WEE2: variants seen among roughly 807,000 people sequenced by gnomAD.
WEE2 encodes wee1-like protein kinase 2.
WEE2 carries 50 observed loss-of-function variants against 60.1 expected under a neutral mutation model. That is an observed-to-expected ratio of 0.83 (90% CI 0.66 to 1.05). The LOEUF is 1.05. Ranked by LOEUF, WEE2 falls within the 50% of genes least tolerant of loss-of-function variation. The pLI is 0.00. For synonymous variants in WEE2, 240 were observed against 241.0 expected (o/e 1.00, Z 0.04); for missense variants, 631 against 684.3 (o/e 0.92, Z 0.87).
rs1798758848 is a variant in WEE2 at position 141,714,297 on chromosome 7, A to G, written c.431A>G (p.Lys144Arg). 2 of 1,613,818 alleles carry G rather than the reference A, an allele frequency of 1.2e-6. No homozygotes were observed. Among genetic ancestry groups the G allele is most frequent in the South Asian group, 2.2e-5 (2 of 91,072 alleles). The change falls in exon 2 of 12, where the codon AAG (lysine) becomes AGG (arginine). Residue 144 changes from lysine (K) to arginine (R), a missense_variant. Coordinates refer to ENST00000397541, the MANE Select transcript of WEE2 (RefSeq NM_001105558.1). ...KHLKLTPAPL[K>R]DEMTSLALVN... ...TTGAAGCTCACACCTGCTCCCCTCAAGGATGAGATGACCTCATTGGCTCTG... is the reference window on the plus strand; with the variant it reads ...TTGAAGCTCACACCTGCTCCCCTCAGGGATGAGATGACCTCATTGGCTCTG...
chr7:141,716,644 C>T (rs1211590083), intron 3 of WEE2, among the ~76,000 whole-genome samples: 2 of 152,034 alleles, frequency 1.3e-5, no homozygotes, highest in Non-Finnish European at 2.9e-5. Flanking sequence ...CTCTGCCAGG[C>T]AGTGTCTGAT....
rs1798654456 is a variant in WEE2, at chr7:141,708,455, C to A, written c.-304C>A. The A allele has an allele frequency of 2.8e-6, 1 of 355,898 alleles. No homozygotes were observed. Among genetic ancestry groups the A allele is most frequent in the Non-Finnish European group, 5.1e-6 (1 of 197,066 alleles). 22.0% of individuals were successfully genotyped at this position (355,898 alleles called of 1,614,324 possible). The stretch of plus-strand genomic sequence containing the variant: ...ATTTTCTCACTAGTATTTGGTAACA[C>A]ATGGGAGACTATGTGTCATATCCAG... On this transcript the variant is annotated 5_prime_UTR_variant, in exon 1 of 12. Coordinates refer to ENST00000397541, the MANE Select transcript of WEE2 (RefSeq NM_001105558.1).
intron 3 of WEE2, 137 bp from the exon 4 acceptor site, chr7:141,718,935 C>T: frequency 4.2e-6 from 3 of 721,536 alleles, no homozygotes; most frequent in Non-Finnish European, 4.5e-6. Flanking sequence ...TGAATATTGA[C>T]CCAAGTAGAA....
Position 141,709,082 on chromosome 7 carries a change from C to T in WEE2, c.324C>T (p.Asp108=), listed in dbSNP as rs199629568. 6.2e-7 allele frequency: 1 copy of T among 1,613,688 alleles called. No homozygotes were observed. Among genetic ancestry groups the T allele is most frequent in the Non-Finnish European group, 8.5e-7 (1 of 1,179,664 alleles). The change falls in exon 1 of 12, where the codon GAC becomes GAT. Residue 108 remains aspartate (D), a synonymous_variant. Coordinates refer to ENST00000397541, the MANE Select transcript of WEE2 (RefSeq NM_001105558.1). ...PDSRSKLLPS[D]SPSTPKTMLS... ...GCAGGAGCAAGCTGCTGCCCAGTGA[C>T]AGCCCCTCTACTCCCAAAGTAAGTA...
chr7:141,712,861 C>A (rs1798730692), intron 1 of WEE2, among the ~76,000 whole-genome samples: 1 of 152,270 alleles, frequency 6.6e-6, no homozygotes, highest in African/African-American at 2.4e-5. Context: ...GAATGACTTA[C>A]TACAAAATGC....
At chr7:141,721,167 T>TA (rs1166418099) in intron 5 of WEE2, 111 bp downstream of exon 5, 21 of 1,328,858 alleles carry the variant, frequency 1.6e-5, no homozygotes. Context: ...CAGATATACC[T>TA]AAAAAGTCTG....
At chr7:141,719,536 C>T (rs1187366639) in intron 4 of WEE2, among the ~76,000 whole-genome samples, 1 of 152,100 alleles carries the variant, frequency 6.6e-6, no homozygotes, top group African/African-American at 2.4e-5. Flanking sequence ...CTGCAATCTC[C>T]ACCTCCTGGG....
chr7:141,727,733 G>A (rs1584747745), intron 10 of WEE2: 3 of 351,564 alleles, frequency 8.5e-6, no homozygotes, highest in East Asian at 9.9e-5. Flanking sequence ...AGGATTCTAA[G>A]TGACAGCAGG....
intron 5 of WEE2, 72 bp downstream of exon 5, chr7:141,721,128 C>T (rs1385734098): frequency 6.3e-6 from 10 of 1,578,388 alleles, no homozygotes; most frequent in Admixed American, 3.4e-5. Flanking sequence ...TAAACTTTCC[C>T]TCCTCCTCAT....
At chr7:141,724,806 T>C (rs1563016593) in intron 8 of WEE2, among the ~76,000 whole-genome samples, 1 of 152,244 alleles carries the variant, frequency 6.6e-6, no homozygotes, top group Non-Finnish European at 1.5e-5. Flanking sequence ...AAAATGGCAG[T>C]AAGTTTCTGC....
chr7:141,708,479 AG>A lies in WEE2; in HGVS notation c.-279del. 2.2e-6 allele frequency: 1 copy of A among 453,104 alleles called. No homozygotes were observed. Among genetic ancestry groups the A allele is most frequent in the South Asian group, 4.4e-5 (1 of 22,860 alleles). The allele number at this position is 453,104 out of a possible 1,614,324, so 28.1% of individuals were successfully genotyped here. A position where few individuals can be genotyped will look rare whatever the true frequency, so the allele number is the denominator to read the frequency against. ...ACATGGGAGACTATGTGTCATATCCAGAAGAGTTCTGTACATGAACTGCATT... is the reference window on the plus strand; with the variant it reads ...ACATGGGAGACTATGTGTCATATCCAAAGAGTTCTGTACATGAACTGCATT... On this transcript the variant is annotated 5_prime_UTR_variant, in exon 1 of 12. The change abolishes the stop of an existing upstream ORF in the 5' untranslated region. Transcript: ENST00000397541.
At chr7:141,715,345 T>C (rs989240325) in intron 2 of WEE2, among the ~76,000 whole-genome samples, 1 of 152,186 alleles carries the variant, frequency 6.6e-6, no homozygotes, top group Non-Finnish European at 1.5e-5. Context: ...CCTGACACTT[T>C]TGTAGCGTCA....
At position 141,708,712 on chromosome 7, in the gene WEE2, C is replaced by T. The variant is rs1392369329; in HGVS notation, c.-47C>T. On this transcript the variant is annotated 5_prime_UTR_variant, in exon 1 of 12. Coordinates refer to ENST00000397541, the MANE Select transcript of WEE2 (RefSeq NM_001105558.1). ...CTGCTTCTGTAGGTTCACAGCGTTCCCTTCTGATAGAGCTTTTTGTCTGTG... is the reference window on the plus strand; with the variant it reads ...CTGCTTCTGTAGGTTCACAGCGTTCTCTTCTGATAGAGCTTTTTGTCTGTG... 2 of 1,528,668 alleles carry T rather than the reference C, an allele frequency of 1.3e-6. No individual in the cohort carries two copies. Among genetic ancestry groups the T allele is most frequent in the African/African-American group, 2.8e-5 (2 of 72,358 alleles). The allele number at this position is 1,528,668 out of a possible 1,614,324, so 94.7% of individuals were successfully genotyped here. A position where few individuals can be genotyped will look rare whatever the true frequency, so the allele number is the denominator to read the frequency against.
intron 3 of WEE2, among the ~76,000 whole-genome samples, chr7:141,716,484 C>T (rs1367180002): frequency 1.3e-5 from 2 of 150,366 alleles, no homozygotes; most frequent in African/African-American, 2.5e-5. Flanking sequence ...CCCTCTCTTC[C>T]CCATCTCCCC....
At chr7:141,716,437 C>T (rs868733858) in intron 3 of WEE2, among the ~76,000 whole-genome samples, 170 bp downstream of exon 3, 12 of 149,996 alleles carry the variant, frequency 8.0e-5, no homozygotes, top group African/African-American at 3.0e-4. Flanking sequence ...CCCTCCCTCC[C>T]CTTCTTCTAC....
rs998980483 is a variant in WEE2, at chr7:141,716,155, A to T, written c.540-67A>T. Reference sequence around the variant, plus strand: ...TCTTATTTACTCTTACATCCCTAGAACCTAGCATAGTTCGGCCTCAATAAA... The same window carrying T: ...TCTTATTTACTCTTACATCCCTAGATCCTAGCATAGTTCGGCCTCAATAAA... On this transcript the variant is annotated intron_variant, in intron 2 of 11. Transcript: ENST00000397541. The T allele has an allele frequency of 7.4e-6, 10 of 1,353,250 alleles. No homozygotes were observed. In the African/African-American group the frequency reaches 1.3e-4, roughly 18 times the overall value. 83.8% of individuals were successfully genotyped at this position (1,353,250 alleles called of 1,614,324 possible). A position where few individuals can be genotyped will look rare whatever the true frequency, so the allele number is the denominator to read the frequency against.
intron 6 of WEE2, 32 bp from the exon 7 acceptor site, chr7:141,723,909 T>C: frequency 7.1e-7 from 1 of 1,408,612 alleles, no homozygotes; most frequent in Non-Finnish European, 9.9e-7. Context: ...TAGAAGTCAT[T>C]ACTTACATCT....
intron 3 of WEE2, 70 bp downstream of exon 3, chr7:141,716,337 C>G (rs989049782): frequency 1.4e-6 from 2 of 1,411,674 alleles, no homozygotes; most frequent in Non-Finnish European, 2.0e-6. Context: ...TTCTTCCCCT[C>G]CCCTTCTCCC....
At chr7:141,729,744 T>G (rs1463906938) in intron 11 of WEE2, 71 bp downstream of exon 11, 1 of 1,519,506 alleles carries the variant, frequency 6.6e-7, no homozygotes, top group African/African-American at 1.4e-5. Context: ...ATCCCAACAC[T>G]TTGGGAGGCC....
Sources: gnomAD v4.1 joint callset for allele counts (sites outside exome capture counted in the v4.1 genomes callset) on GRCh38, gnomAD v4.1.1 for gene constraint, MANE v1.5 for transcripts, NCBI Gene and HGNC (gene_info 2026-07-23, HGNC 2026-07-21) for gene names.